KDM5A: variants seen among roughly 807,000 people sequenced by gnomAD.
The protein encoded by KDM5A is lysine demethylase 5A.
KDM5A carries 42 observed loss-of-function variants against 193.5 expected under a neutral mutation model. That is an observed-to-expected ratio of 0.22 (90% CI 0.17 to 0.28). KDM5A has a LOEUF of 0.28. Ranked by LOEUF, KDM5A falls within the 10% of genes least tolerant of loss-of-function variation. KDM5A has a pLI of 1.00. For missense variants in KDM5A, 1,692 were observed against 2,055.1 expected (o/e 0.82, Z 3.42); for synonymous variants, 796 against 718.1 (o/e 1.11, Z -1.73).
At chr12:351,239 G>A (rs922614357) in intron 9 of KDM5A, among the ~76,000 whole-genome samples, 15 of 152,108 alleles carry the variant, frequency 9.9e-5, no homozygotes, top group African/African-American at 3.6e-4. Flanking sequence ...GCCCCGGTGT[G>A]TGATGTTCCC....
At chr12:340,386 G>T (rs775500516) in intron 10 of KDM5A, among the ~76,000 whole-genome samples, 1 of 152,060 alleles carries the variant, frequency 6.6e-6, no homozygotes, top group Admixed American at 6.6e-5. Flanking sequence ...CTCCAAGCTA[G>T]AAGTATCATT....
chr12:326,696 C>T (rs1943790050), intron 14 of KDM5A, among the ~76,000 whole-genome samples: 1 of 151,856 alleles, frequency 6.6e-6, no homozygotes, highest in Non-Finnish European at 1.5e-5. Context: ...CCCATCTCTA[C>T]TAAAAATACA....
intron 16 of KDM5A, 151 bp downstream of exon 16, chr12:322,931 T>C: frequency 1.0e-6 from 1 of 981,406 alleles, no homozygotes. Flanking sequence ...AATAGAAAAT[T>C]AAGTCTATAT....
chr12:339,931 G>C (rs1485183341), intron 10 of KDM5A, among the ~76,000 whole-genome samples: 2 of 150,002 alleles, frequency 1.3e-5, no homozygotes, highest in Non-Finnish European at 3.0e-5. Context: ...CTGGAGTGCA[G>C]TGGCATGATC....
chr12:328,247 AC>A (rs1943816788), intron 14 of KDM5A, among the ~76,000 whole-genome samples: 1 of 152,222 alleles, frequency 6.6e-6, no homozygotes, highest in African/African-American at 2.4e-5. Context: ...GGGAGGAGGG[AC>A]ATGATACAAA....
chr12:378,676 C>T (rs2137490612), intron 3 of KDM5A, among the ~76,000 whole-genome samples: 1 of 152,296 alleles, frequency 6.6e-6, no homozygotes, highest in East Asian at 1.9e-4. Context: ...TGTAATTATT[C>T]AGCCAGGCAC....
chr12:375,962 C>T (rs113197316), intron 3 of KDM5A, among the ~76,000 whole-genome samples: 12 of 152,340 alleles, frequency 7.9e-5, no homozygotes, highest in African/African-American at 2.6e-4. Flanking sequence ...GAGGGATACC[C>T]GGCCATGTGG....
At chr12:344,156 A>C (rs1944041615) in intron 10 of KDM5A, among the ~76,000 whole-genome samples, 1 of 152,238 alleles carries the variant, frequency 6.6e-6, no homozygotes, top group Non-Finnish European at 1.5e-5. Context: ...AAGTGGAAGA[A>C]AGGGTATCAG....
rs117783817 is a variant in KDM5A at position 288,281 on chromosome 12, C to A, written c.4867-2619G>T. Reference sequence around the variant, plus strand: ...ACTCAAGAACACAGAATTTGGATAACTGTATAAATTGTCATTTCCCCCCCT... The same window carrying A: ...ACTCAAGAACACAGAATTTGGATAAATGTATAAATTGTCATTTCCCCCCCT... On this transcript the variant is annotated intron_variant, in intron 27 of 27. Coordinates refer to ENST00000399788, the MANE Select transcript of KDM5A (RefSeq NM_001042603.3). Among the ~76,000 whole-genome samples the A allele has an allele frequency of 4.7e-3, 713 of 152,246 alleles. 4 individuals are homozygous for A. Among genetic ancestry groups the A allele is most frequent in the Middle Eastern group, 0.027 (8 of 294 alleles).
chr12:352,099 G>A lies in KDM5A; in HGVS notation c.1149+106C>T, dbSNP rs562059939. 1.9e-4 allele frequency: 157 copies of A among 824,850 alleles called. No individual in the cohort carries two copies. The Admixed American group carries it at 3.0e-3, about 16-fold the overall frequency. The allele number at this position is 824,850 out of a possible 1,614,324, so 51.1% of individuals were successfully genotyped here. ...AGCCTGGGCGACAAAGCAAGACTCCGTCTCAAAAAAAAAAAAAAAAAAAAA... is the reference window on the plus strand; with the variant it reads ...AGCCTGGGCGACAAAGCAAGACTCCATCTCAAAAAAAAAAAAAAAAAAAAA... On this transcript the variant is annotated intron_variant, in intron 9 of 27. Transcript: ENST00000399788.
At position 318,381 on chromosome 12, in the gene KDM5A, G is replaced by C. The variant is rs2137404119; in HGVS notation, c.2622C>G (p.Leu874=). The C allele has an allele frequency of 6.2e-7, 1 of 1,614,140 alleles. No individual in the cohort carries two copies. Among genetic ancestry groups the C allele is most frequent in the Non-Finnish European group, 8.5e-7 (1 of 1,180,016 alleles). ...MMDETPDSSK[L]QMLIDMGSSL... The stretch of plus-strand genomic sequence containing the variant: ...TAGAGCCCATATCTATCAACATCTG[G>C]AGTTTGGAAGAATCTGGGGTTTCAT... Residue 874 remains leucine (L), a synonymous_variant, in exon 19 of 28, where the codon CTC becomes CTG. Coordinates refer to ENST00000399788, the MANE Select transcript of KDM5A (RefSeq NM_001042603.3).
rs569598237 is a variant in KDM5A at position 389,093 on chromosome 12, G to C, written c.-2C>G. ...GCCCCCCGGCCCCACGCCCGCCATTGCAACGGCCGGGGGGGGGGGGGGGTC... is the reference window on the plus strand; with the variant it reads ...GCCCCCCGGCCCCACGCCCGCCATTCCAACGGCCGGGGGGGGGGGGGGGTC... On this transcript the variant is annotated 5_prime_UTR_variant, in exon 1 of 28. Coordinates refer to ENST00000399788, the MANE Select transcript of KDM5A (RefSeq NM_001042603.3). The C allele has an allele frequency of 8.1e-7, 1 of 1,237,746 alleles. No homozygotes were observed. Among genetic ancestry groups the C allele is most frequent in the South Asian group, 1.2e-5 (1 of 81,928 alleles). 76.7% of individuals were successfully genotyped at this position (1,237,746 alleles called of 1,614,324 possible). A position where few individuals can be genotyped will look rare whatever the true frequency, so the allele number is the denominator to read the frequency against.
intron 24 of KDM5A, among the ~76,000 whole-genome samples, chr12:301,485 G>A (rs1943440543): frequency 6.6e-6 from 1 of 152,126 alleles, no homozygotes; most frequent in Non-Finnish European, 1.5e-5. Context: ...TCAACAGCCT[G>A]TCATGCTAAA....
At chr12:321,735 G>C (rs929602195) in intron 17 of KDM5A, among the ~76,000 whole-genome samples, 5 of 152,184 alleles carry the variant, frequency 3.3e-5, no homozygotes, top group Admixed American at 1.3e-4. Context: ...TAATACTTAT[G>C]AATTCTATTA....
At chr12:373,327 G>GT (rs1318020959) in intron 3 of KDM5A, among the ~76,000 whole-genome samples, 1 of 152,180 alleles carries the variant, frequency 6.6e-6, no homozygotes, top group Non-Finnish European at 1.5e-5. Context: ...TTGGGAGGGT[G>GT]TATGTCTCCA....
At chr12:356,115 T>C (rs956345935) in intron 6 of KDM5A, among the ~76,000 whole-genome samples, 7 of 152,228 alleles carry the variant, frequency 4.6e-5, no homozygotes, top group Non-Finnish European at 8.8e-5. Flanking sequence ...AAGCTTTAGC[T>C]CACGAGGTAA....
At chr12:378,544 T>C (rs77748145) in intron 3 of KDM5A, among the ~76,000 whole-genome samples, 10,731 of 152,182 alleles carry the variant, frequency 0.071, 848 homozygotes, top group East Asian at 0.35. Flanking sequence ...GGATTACAAG[T>C]ATGAGCCCAC....
intron 24 of KDM5A, among the ~76,000 whole-genome samples, chr12:306,469 G>A (rs558038489): frequency 3.3e-5 from 5 of 152,188 alleles, no homozygotes; most frequent in African/African-American, 9.6e-5. Flanking sequence ...CAGGCCTGGC[G>A]TGGTGGCTCA....
At chr12:348,582 GA>G (rs1248602553) in intron 10 of KDM5A, among the ~76,000 whole-genome samples, 1 of 152,120 alleles carries the variant, frequency 6.6e-6, no homozygotes, top group East Asian at 1.9e-4. Context: ...TGTGCAGCCA[GA>G]AAAAACGATG....
Sources: allele counts gnomAD v4.1 joint callset (sites outside exome capture counted in the v4.1 genomes callset), GRCh38; gene constraint gnomAD v4.1.1; transcripts MANE v1.5; gene names NCBI Gene and HGNC (gene_info 2026-07-23, HGNC 2026-07-21).